The following CACNB2 variants were observed in gnomAD, a reference collection of about 807,000 sequenced individuals.
The protein encoded by CACNB2 is calcium voltage-gated channel auxiliary subunit beta 2, also known as voltage-dependent L-type calcium channel subunit beta-2.
In CACNB2, 42 loss-of-function variants were observed where a neutral mutation model predicts 73.3. The observed-to-expected ratio is 0.57, with a 90% CI of 0.45 to 0.74. The LOEUF is 0.74. Ranked by LOEUF, CACNB2 falls within the 30% of genes least tolerant of loss-of-function variation. CACNB2 has a pLI of 0.00. For missense variants in CACNB2, 940 were observed against 853.0 expected (o/e 1.10, Z -1.27); for synonymous variants, 348 against 310.3 (o/e 1.12, Z -1.28).
intron 9 of CACNB2, chr10:18,519,933 CT>C (rs2051682228): frequency 2.7e-5 from 9 of 337,542 alleles, no homozygotes; most frequent in South Asian, 2.1e-4. Context: ...CTTTGAAATA[CT>C]TTGCTTGGTT....
chr10:18,383,223 A>G lies in CACNB2; in HGVS notation c.214-18701A>G, dbSNP rs373570804. On this transcript the variant is annotated intron_variant, in intron 2 of 13. Transcript: ENST00000324631. ...TCTGGTACAGGATGTGTTTAAAGGC[A>G]TAGGCAAAGGCCACATTATACAGGT... 1.3e-4 allele frequency among the ~76,000 whole-genome samples: 20 copies of G among 152,382 alleles called. No individual in the cohort carries two copies. In the South Asian group the frequency reaches 1.5e-3, roughly 11 times the overall value.
chr10:18,198,139 A>G (rs1040838214), intron 2 of CACNB2, among the ~76,000 whole-genome samples: 2 of 148,452 alleles, frequency 1.3e-5, no homozygotes, highest in African/African-American at 4.9e-5. Context: ...ATATTAATAT[A>G]TATTACATAT....
At chr10:18,377,408 G>A (rs1054220345) in intron 2 of CACNB2, among the ~76,000 whole-genome samples, 2 of 152,124 alleles carry the variant, frequency 1.3e-5, no homozygotes, top group Admixed American at 6.6e-5. Flanking sequence ...TCTGTCAAGG[G>A]CCATGTAGTA....
intron 2 of CACNB2, among the ~76,000 whole-genome samples, chr10:18,350,527 G>C (rs563068801): frequency 6.6e-6 from 1 of 152,286 alleles, no homozygotes; most frequent in East Asian, 1.9e-4. Flanking sequence ...CCAGCTGCTA[G>C]AGCAGCCGAC....
At chr10:18,259,276 A>G (rs943164994) in intron 2 of CACNB2, among the ~76,000 whole-genome samples, 1 of 152,074 alleles carries the variant, frequency 6.6e-6, no homozygotes, top group Admixed American at 6.5e-5. Context: ...TAAATCATAG[A>G]CTTTAAAGGC....
intron 5 of CACNB2, among the ~76,000 whole-genome samples, chr10:18,503,544 C>T (rs1485152302): frequency 4.6e-5 from 7 of 152,030 alleles, no homozygotes; most frequent in South Asian, 2.1e-4. Context: ...TGCAGTGAGC[C>T]GAGATCATGT....
chr10:18,143,270 T>C (rs1331302412), intron 1 of CACNB2, among the ~76,000 whole-genome samples: 1 of 152,176 alleles, frequency 6.6e-6, no homozygotes, highest in East Asian at 1.9e-4. Flanking sequence ...TTTCAAGTCT[T>C]AGGAGTCCAG....
chr10:18,224,951 A>G (rs904839511), intron 2 of CACNB2, among the ~76,000 whole-genome samples: 8 of 152,152 alleles, frequency 5.3e-5, no homozygotes, highest in Non-Finnish European at 7.3e-5. Flanking sequence ...CTTTTTCAGG[A>G]TGAGCCTAGT....
chr10:18,293,154 G>A (rs1207449217), intron 2 of CACNB2, among the ~76,000 whole-genome samples: 2 of 152,088 alleles, frequency 1.3e-5, no homozygotes, highest in Non-Finnish European at 2.9e-5. Flanking sequence ...GTGTACCTTA[G>A]TTTGAAACAC....
At chr10:18,409,579 G>A (rs530687648) in intron 3 of CACNB2, among the ~76,000 whole-genome samples, 1 of 152,330 alleles carries the variant, frequency 6.6e-6, no homozygotes, top group African/African-American at 2.4e-5. Flanking sequence ...TCTGACTCTG[G>A]ACAATGTTTA....
At chr10:18,341,634 G>T (rs933425234) in intron 2 of CACNB2, among the ~76,000 whole-genome samples, 2 of 151,980 alleles carry the variant, frequency 1.3e-5, no homozygotes, top group East Asian at 1.9e-4. Flanking sequence ...ACCAGAGCCC[G>T]TAAAAATAAA....
chr10:18,517,959 G>A (rs1161672973), intron 7 of CACNB2, among the ~76,000 whole-genome samples: 1 of 152,180 alleles, frequency 6.6e-6, no homozygotes, highest in Admixed American at 6.5e-5. Context: ...CAACTCTTTA[G>A]AAAATTCAAA....
At chr10:18,164,369 AT>A (rs909535499) in intron 2 of CACNB2, among the ~76,000 whole-genome samples, 2 of 152,160 alleles carry the variant, frequency 1.3e-5, no homozygotes, top group Non-Finnish European at 2.9e-5. Flanking sequence ...GCCTCAGGCC[AT>A]TTGTTTGTGG....
chr10:18,270,457 A>AT (rs1310238420), intron 2 of CACNB2, among the ~76,000 whole-genome samples: 4 of 151,826 alleles, frequency 2.6e-5, no homozygotes, highest in East Asian at 3.9e-4. Flanking sequence ...TGCCATTGTG[A>AT]TTTTTTTTCA....
intron 2 of CACNB2, among the ~76,000 whole-genome samples, chr10:18,239,836 T>C (rs909410990): frequency 6.6e-5 from 10 of 152,206 alleles, no homozygotes; most frequent in Admixed American, 2.6e-4. Flanking sequence ...CCAAAGATTA[T>C]AAAGCACTAA....
chr10:18,429,272 G>C (rs1380183311), intron 3 of CACNB2, among the ~76,000 whole-genome samples: 2 of 152,154 alleles, frequency 1.3e-5, no homozygotes, highest in Non-Finnish European at 2.9e-5. Flanking sequence ...AACCATGTCA[G>C]CTCTTTGTAT....
intron 2 of CACNB2, among the ~76,000 whole-genome samples, chr10:18,235,352 G>A (rs552131642): frequency 1.3e-5 from 2 of 151,944 alleles, no homozygotes; most frequent in South Asian, 4.2e-4. Flanking sequence ...CAGCTACTCA[G>A]GAGGCTGAGG....
chr10:18,396,535 G>C (rs1438689376), intron 2 of CACNB2, among the ~76,000 whole-genome samples: 2 of 151,680 alleles, frequency 1.3e-5, no homozygotes, highest in African/African-American at 4.8e-5. Context: ...CAGTGGCACA[G>C]TCTCAGCTCA....
chr10:18,177,452 T>A (rs2033659188), intron 2 of CACNB2, among the ~76,000 whole-genome samples: 1 of 118,976 alleles, frequency 8.4e-6, no homozygotes, highest in Non-Finnish European at 1.7e-5. Flanking sequence ...AAACCCCGTC[T>A]CTATTAAAAA....
Sources: allele counts gnomAD v4.1 joint callset (sites outside exome capture counted in the v4.1 genomes callset), GRCh38; gene constraint gnomAD v4.1.1; transcripts MANE v1.5; gene names NCBI Gene and HGNC (gene_info 2026-07-23, HGNC 2026-07-21).